The following SSH2 variants were observed in gnomAD, a reference collection of about 807,000 sequenced individuals.
SSH2 encodes the protein slingshot protein phosphatase 2, also known as protein phosphatase Slingshot homolog 2.
A neutral mutation model predicts 135.2 loss-of-function variants in SSH2; 37 were observed. The observed-to-expected ratio is 0.27, with a 90% CI of 0.21 to 0.36. The LOEUF (loss-of-function observed/expected upper bound fraction) is 0.36, where lower values mean the gene tolerates loss of function less well. Among genes scored for constraint, SSH2 ranks in the 10% least tolerant of loss-of-function variants. The probability of loss-of-function intolerance (pLI) is 1.00; values close to 1 mark genes in which losing one functional copy is unlikely to be tolerated. For synonymous variants in SSH2, 628 were observed against 646.2 expected (o/e 0.97, Z 0.43); for missense variants, 1,408 against 1,765.3 (o/e 0.80, Z 3.63).
chr17:29,835,504 G>A (rs2042927735), intron 2 of SSH2, among the ~76,000 whole-genome samples: 1 of 152,102 alleles, frequency 6.6e-6, no homozygotes, highest in South Asian at 2.1e-4. Flanking sequence ...ACACTTCGTA[G>A]TCAGGTTCCT....
chr17:29,699,871 G>T (rs760818408), intron 4 of SSH2, among the ~76,000 whole-genome samples: 1 of 152,184 alleles, frequency 6.6e-6, no homozygotes, highest in Non-Finnish European at 1.5e-5. Context: ...CTGGGCACTG[G>T]GGAGGAAGGT....
intron 1 of SSH2, among the ~76,000 whole-genome samples, chr17:29,868,557 G>A (rs1249952434): frequency 6.6e-6 from 1 of 152,076 alleles, no homozygotes; most frequent in African/African-American, 2.4e-5. Flanking sequence ...GGGCAACAAG[G>A]TGAAACCCCA....
intron 3 of SSH2, among the ~76,000 whole-genome samples, chr17:29,708,569 G>A (rs1336153283): frequency 7.1e-6 from 1 of 140,852 alleles, no homozygotes; most frequent in African/African-American, 2.7e-5. Flanking sequence ...CAGCCTGGAC[G>A]ACAGAGGGGA....
At chr17:29,761,843 ATGTGTGTG>A (rs752691137) in intron 3 of SSH2, among the ~76,000 whole-genome samples, 4 of 142,482 alleles carry the variant, frequency 2.8e-5, no homozygotes, top group African/African-American at 5.4e-5. Context: ...TCACATACAT[ATGTGTGTG>A]TGTGTGTGTG....
chr17:29,717,707 C>G (rs2039673589), intron 3 of SSH2, among the ~76,000 whole-genome samples: 2 of 152,146 alleles, frequency 1.3e-5, no homozygotes, highest in South Asian at 2.1e-4. Flanking sequence ...TTAGGGGAGG[C>G]AGCCATGCAG....
intron 1 of SSH2, among the ~76,000 whole-genome samples, chr17:29,851,916 C>G (rs2065568758): frequency 6.6e-6 from 1 of 152,094 alleles, no homozygotes; most frequent in Non-Finnish European, 1.5e-5. Flanking sequence ...AAAATTAAAC[C>G]AAATTACACT....
At chr17:29,756,133 C>T (rs1318325186) in intron 3 of SSH2, among the ~76,000 whole-genome samples, 2 of 151,536 alleles carry the variant, frequency 1.3e-5, no homozygotes, top group African/African-American at 2.4e-5. Flanking sequence ...ATTAGCCAGG[C>T]GTGGTGGTGC....
chr17:29,707,675 G>A (rs999796700), intron 3 of SSH2, among the ~76,000 whole-genome samples: 25 of 151,984 alleles, frequency 1.6e-4, no homozygotes, highest in African/African-American at 5.6e-4. Flanking sequence ...ATGGGCATAC[G>A]TCACCATACC....
chr17:29,683,556 C>A (rs1015266020), intron 6 of SSH2, among the ~76,000 whole-genome samples: 2 of 151,718 alleles, frequency 1.3e-5, no homozygotes, highest in African/African-American at 4.8e-5. Flanking sequence ...TAAGTGGGAT[C>A]TCTTTGTATC....
chr17:29,871,265 G>A (rs2065932625), intron 1 of SSH2, among the ~76,000 whole-genome samples: 1 of 152,042 alleles, frequency 6.6e-6, no homozygotes, highest in Non-Finnish European at 1.5e-5. Flanking sequence ...GCAGCTGGCA[G>A]TCTTGCCTGC....
At chr17:29,837,328 T>C (rs908319693) in intron 2 of SSH2, among the ~76,000 whole-genome samples, 2 of 151,882 alleles carry the variant, frequency 1.3e-5, no homozygotes, top group African/African-American at 2.4e-5. Flanking sequence ...AAGATTGTGC[T>C]TGAGTACAAT....
intron 1 of SSH2, among the ~76,000 whole-genome samples, chr17:29,873,451 C>A (rs564945792): frequency 6.6e-6 from 1 of 151,814 alleles, no homozygotes; most frequent in African/African-American, 2.4e-5. Flanking sequence ...CCCAGCTGCT[C>A]GGGAGGCTGA....
intron 1 of SSH2, among the ~76,000 whole-genome samples, chr17:29,853,419 G>A (rs1284053744): frequency 6.6e-6 from 1 of 151,668 alleles, no homozygotes; most frequent in Non-Finnish European, 1.5e-5. Flanking sequence ...AACTCTCAGT[G>A]GTAGGCCTTT....
intron 3 of SSH2, among the ~76,000 whole-genome samples, chr17:29,740,623 C>G (rs2040524265): frequency 6.6e-6 from 1 of 152,072 alleles, no homozygotes; most frequent in African/African-American, 2.4e-5. Context: ...ATGACTTGTT[C>G]CCTAAAAAGT....
At chr17:29,723,931 C>A (rs1343396016) in intron 3 of SSH2, among the ~76,000 whole-genome samples, 8 of 152,118 alleles carry the variant, frequency 5.3e-5, no homozygotes, top group African/African-American at 1.9e-4. Flanking sequence ...TGGGATACTC[C>A]CATACATCTA....
chr17:29,840,779 C>T (rs1223741319), intron 2 of SSH2, among the ~76,000 whole-genome samples: 1 of 152,204 alleles, frequency 6.6e-6, no homozygotes, highest in African/African-American at 2.4e-5. Flanking sequence ...GCCAGGCCCT[C>T]TAAGCACTTT....
At chr17:29,831,210 T>C (rs906934622) in intron 2 of SSH2, among the ~76,000 whole-genome samples, 4 of 151,906 alleles carry the variant, frequency 2.6e-5, no homozygotes, top group Non-Finnish European at 5.9e-5. Context: ...AGCAGTTACA[T>C]GTAGAAAGAA....
intron 11 of SSH2, among the ~76,000 whole-genome samples, chr17:29,660,660 T>C (rs186926507): frequency 3.9e-4 from 59 of 152,224 alleles, no homozygotes; most frequent in African/African-American, 1.4e-3. Context: ...CATGCAAAGT[T>C]TTTCCCATAT....
intron 1 of SSH2, among the ~76,000 whole-genome samples, chr17:29,900,019 CA>C (rs1464341715): frequency 6.6e-6 from 1 of 152,114 alleles, no homozygotes; most frequent in African/African-American, 2.4e-5. Context: ...CTGAGAAAAA[CA>C]AGCAATGGGG....
Sources: allele counts gnomAD v4.1 joint callset (sites outside exome capture counted in the v4.1 genomes callset), GRCh38; gene constraint gnomAD v4.1.1; transcripts MANE v1.5; gene names NCBI Gene and HGNC (gene_info 2026-07-23, HGNC 2026-07-21).